The following DAP variants were observed in gnomAD, a reference collection of about 807,000 sequenced individuals.
The protein encoded by DAP is death associated protein.
In DAP, 8 loss-of-function variants were observed where a neutral mutation model predicts 13.8. The ratio of observed to expected loss-of-function variants is 0.58; its 90% CI spans 0.34 to 1.05. The LOEUF (loss-of-function observed/expected upper bound fraction) is 1.05. DAP is among the 50% of genes least tolerant of loss of function. DAP has a pLI of 0.03. For missense variants in DAP, 106 were observed against 133.2 expected (o/e 0.80, Z 1.01); for synonymous variants, 47 against 47.5 (o/e 0.99, Z 0.04).
At chr5:10,689,044 C>A (rs1301406717) in intron 2 of DAP, among the ~76,000 whole-genome samples, 1 of 152,186 alleles carries the variant, frequency 6.6e-6, no homozygotes, top group Non-Finnish European at 1.5e-5. Context: ...CGGTGCTCCT[C>A]AGAGGTGCTG....
chr5:10,757,690 A>C (rs991892375), intron 1 of DAP, among the ~76,000 whole-genome samples: 4 of 152,224 alleles, frequency 2.6e-5, no homozygotes, highest in African/African-American at 9.6e-5. Flanking sequence ...GTGACACTCA[A>C]CAAACTTCAT....
chr5:10,760,865 C>T (rs1740327717), intron 1 of DAP, 149 bp downstream of exon 1: 1 of 384,608 alleles, frequency 2.6e-6, no homozygotes, highest in Non-Finnish European at 4.1e-6. Context: ...CCGACCTCTC[C>T]GCGGCCCGCG....
intron 2 of DAP, among the ~76,000 whole-genome samples, chr5:10,732,682 T>C (rs1037314773): frequency 1.9e-4 from 29 of 152,238 alleles, no homozygotes; most frequent in African/African-American, 6.8e-4. Flanking sequence ...CTTGAGTGTA[T>C]ACCTAGGAAG....
chr5:10,726,316 G>A (rs192537509), intron 2 of DAP, among the ~76,000 whole-genome samples: 2 of 152,322 alleles, frequency 1.3e-5, no homozygotes, highest in African/African-American at 4.8e-5. Flanking sequence ...TCTGAAATGT[G>A]TAGGCTTCAC....
intron 2 of DAP, among the ~76,000 whole-genome samples, chr5:10,716,265 C>T (rs577485104): frequency 6.6e-6 from 1 of 152,338 alleles, no homozygotes; most frequent in Admixed American, 6.5e-5. Context: ...AGAAATTGTG[C>T]TTTCAATGAA....
intron 2 of DAP, among the ~76,000 whole-genome samples, chr5:10,685,555 T>C (rs545006687): frequency 1.8e-4 from 28 of 152,358 alleles, no homozygotes; most frequent in African/African-American, 6.7e-4. Flanking sequence ...ACAAAGTTTC[T>C]TAACGTCGTT....
At chr5:10,757,701 T>C (rs1740223421) in intron 1 of DAP, among the ~76,000 whole-genome samples, 1 of 152,196 alleles carries the variant, frequency 6.6e-6, no homozygotes, top group Non-Finnish European at 1.5e-5. Context: ...CAAACTTCAT[T>C]AGTGTTTCCA....
chr5:10,757,421 C>A (rs1192516062), intron 1 of DAP, among the ~76,000 whole-genome samples: 3 of 152,252 alleles, frequency 2.0e-5, no homozygotes, highest in African/African-American at 7.2e-5. Flanking sequence ...ATTACAGGCA[C>A]CCACCAGCAC....
intron 2 of DAP, among the ~76,000 whole-genome samples, chr5:10,695,296 A>G (rs1376481670): frequency 1.3e-5 from 2 of 152,214 alleles, no homozygotes; most frequent in Non-Finnish European, 2.9e-5. Flanking sequence ...TCAAGGAGAA[A>G]TGGAAGCCGG....
intron 2 of DAP, among the ~76,000 whole-genome samples, chr5:10,739,787 T>TCACACACACACACA (rs35309839): frequency 1.5e-4 from 22 of 148,506 alleles, no homozygotes; most frequent in African/African-American, 5.5e-4. Context: ...CTAAATTAAC[T>TCACACACACACACA]CACACACACA....
At chr5:10,748,001 T>C in intron 2 of DAP, 174 bp downstream of exon 2, 1 of 573,248 alleles carries the variant, frequency 1.7e-6, no homozygotes, top group Non-Finnish European at 3.1e-6. Context: ...CTCTATTTTC[T>C]CCCCTGACTG....
intron 2 of DAP, among the ~76,000 whole-genome samples, chr5:10,709,853 C>A (rs1738796167): frequency 6.6e-6 from 1 of 152,194 alleles, no homozygotes; most frequent in African/African-American, 2.4e-5. Context: ...TGCAGCCCTT[C>A]TTGTATTCTT....
chr5:10,752,376 TGATTGTTGTATCA>T (rs1469557255), intron 1 of DAP, among the ~76,000 whole-genome samples: 1 of 152,254 alleles, frequency 6.6e-6, no homozygotes, highest in Non-Finnish European at 1.5e-5. Flanking sequence ...ATATTTATTG[TGATTGTTGTATCA>T]CTGTCTCTAG....
intron 2 of DAP, among the ~76,000 whole-genome samples, chr5:10,747,866 C>G (rs1037407825): frequency 6.6e-6 from 1 of 152,146 alleles, no homozygotes; most frequent in African/African-American, 2.4e-5. Context: ...TGGCTAAACC[C>G]AGGCACCTGG....
intron 2 of DAP, among the ~76,000 whole-genome samples, chr5:10,725,834 T>C (rs947365908): frequency 1.3e-5 from 2 of 152,222 alleles, no homozygotes; most frequent in Non-Finnish European, 2.9e-5. Context: ...GGTAATGACC[T>C]TAGGCATGCC....
At chr5:10,694,258 G>C (rs978917338) in intron 2 of DAP, among the ~76,000 whole-genome samples, 1 of 152,134 alleles carries the variant, frequency 6.6e-6, no homozygotes, top group African/African-American at 2.4e-5. Flanking sequence ...GATGATCCGG[G>C]TTCAAATCCT....
At chr5:10,748,692 TG>T (rs1356497994) in intron 1 of DAP, among the ~76,000 whole-genome samples, 2 of 152,318 alleles carry the variant, frequency 1.3e-5, no homozygotes, top group East Asian at 3.9e-4. Context: ...GATATGGTGA[TG>T]GGTGACATGG....
intron 1 of DAP, among the ~76,000 whole-genome samples, chr5:10,756,355 G>C (rs1435543785): frequency 2.5e-4 from 23 of 91,706 alleles, no homozygotes; most frequent in South Asian, 3.5e-4. Flanking sequence ...GTTAATAGAA[G>C]ACAAATTAGT....
In DAP at chr5:10,761,147, G is replaced by A. The variant is rs1434630640; in HGVS notation, c.-79C>T. ...CGGGCGTGCGCGAGTGAGCTCAGGT[G>A]TGAGCGCCGGGGAGCGAGCGGGCGG... On this transcript the variant is annotated 5_prime_UTR_variant, in exon 1 of 4. Transcript: ENST00000230895. The A allele has an allele frequency of 5.8e-5, 49 of 850,676 alleles. No homozygotes were observed. The African/African-American group carries it at 7.5e-4, about 13-fold the overall frequency. 52.7% of individuals were successfully genotyped at this position (850,676 alleles called of 1,614,324 possible). A position where few individuals can be genotyped will look rare whatever the true frequency, so the allele number is the denominator to read the frequency against.
Sources: gnomAD v4.1 joint callset for allele counts (sites outside exome capture counted in the v4.1 genomes callset) on GRCh38, gnomAD v4.1.1 for gene constraint, MANE v1.5 for transcripts, NCBI Gene and HGNC (gene_info 2026-07-23, HGNC 2026-07-21) for gene names.